Variants in ADCY9 observed in about 807,000 individuals in gnomAD.
ADCY9 encodes adenylate cyclase 9.
In ADCY9, 50 loss-of-function variants were observed where a neutral mutation model predicts 101.5. The observed-to-expected ratio is 0.49, with a 90% confidence interval of 0.39 to 0.62. The LOEUF (loss-of-function observed/expected upper bound fraction) is 0.62, where lower values mean the gene tolerates loss of function less well. Ranked by LOEUF, ADCY9 falls within the 20% of genes least tolerant of loss-of-function variation. ADCY9 has a pLI of 0.00. For missense variants in ADCY9, 1,662 were observed against 1,800.4 expected, an observed-to-expected ratio of 0.92 and a Z score of 1.39; for synonymous variants, 905 against 769.3, an observed-to-expected ratio of 1.18 and a Z score of -2.92.
intron 2 of ADCY9, among the ~76,000 whole-genome samples, chr16:4,084,534 T>A (rs1320077962): frequency 6.6e-6 from 1 of 152,010 alleles, no homozygotes; most frequent in Non-Finnish European, 1.5e-5. Flanking sequence ...GAAACCAGAC[T>A]GGACAACACA....
intron 2 of ADCY9, among the ~76,000 whole-genome samples, chr16:4,011,835 G>A (rs1212918828): frequency 1.3e-5 from 2 of 150,936 alleles, no homozygotes; most frequent in African/African-American, 4.9e-5. Flanking sequence ...ACAGGAGCAG[G>A]GCTAGTGAGC....
intron 2 of ADCY9, among the ~76,000 whole-genome samples, chr16:4,051,611 G>A (rs750894953): frequency 2.0e-5 from 3 of 152,066 alleles, no homozygotes; most frequent in East Asian, 3.9e-4. Context: ...GCTTGGAGGC[G>A]CTGCTTTTGG....
chr16:4,020,781 G>A (rs1041650115), intron 2 of ADCY9, among the ~76,000 whole-genome samples: 1 of 150,414 alleles, frequency 6.6e-6, no homozygotes, highest in South Asian at 2.1e-4. Context: ...AGCTAAGATC[G>A]CGCCACTGCA....
At chr16:3,968,871 A>C (rs1324772851) in intron 10 of ADCY9, among the ~76,000 whole-genome samples, 1 of 151,396 alleles carries the variant, frequency 6.6e-6, no homozygotes, top group African/African-American at 2.4e-5. Flanking sequence ...TTTGAGAAGG[A>C]GTCTCGCTTT....
At chr16:3,976,018 GT>G (rs1197193775) in intron 9 of ADCY9, among the ~76,000 whole-genome samples, 1 of 152,134 alleles carries the variant, frequency 6.6e-6, no homozygotes, top group African/African-American at 2.4e-5. Context: ...TGGAGACTGA[GT>G]CTTGCTCTGT....
chr16:4,108,706 CTTTT>C (rs112428707), intron 2 of ADCY9, among the ~76,000 whole-genome samples: 1 of 124,520 alleles, frequency 8.0e-6, no homozygotes, highest in Non-Finnish European at 1.6e-5. Flanking sequence ...GTCCCTCACA[CTTTT>C]TTTTTTTTTT....
chr16:4,027,271 G>A (rs2056522312), intron 2 of ADCY9, among the ~76,000 whole-genome samples: 1 of 152,184 alleles, frequency 6.6e-6, no homozygotes, highest in Non-Finnish European at 1.5e-5. Flanking sequence ...TTTTCTCGTT[G>A]CTTTCTTTGT....
Position 4,114,692 on chromosome 16 carries a change from C to T in ADCY9, c.751G>A (p.Ala251Thr), listed in dbSNP as rs768831553. Residue 251 changes from alanine to threonine, a missense_variant, in exon 2 of 11, where the codon GCC (alanine) becomes ACC (threonine). Physicochemically the swap from Ala to Thr is moderately conservative, Grantham distance 58. Coordinates refer to ENST00000294016, the MANE Select transcript of ADCY9 (RefSeq NM_001116.4). This position sits in a 1 kb window ranked among gnomAD's most constrained non-coding sequence, Gnocchi z 4.3. ...PLYLSLCLGV[A>T]YSVLFETFGY... ...AAGGTCTCGAAAAGGACAGAGTAGG[C>T]CACCCCCAGACACAAACTCAGGTAC... 5.8e-5 allele frequency: 93 copies of T among 1,613,006 alleles called. No individual in the cohort carries two copies. Among genetic ancestry groups the T allele is most frequent in the Non-Finnish European group, 7.8e-5 (92 of 1,180,044 alleles).
At position 4,102,502 on chromosome 16, in the gene ADCY9, C is replaced by T. The variant is rs1228957747; in HGVS notation, c.1693+11248G>A. On this transcript the variant is annotated intron_variant, in intron 2 of 10. Transcript: ENST00000294016. ...GAGCAGTGGCATGATCTCAGCTCAC[C>T]GCAACCTCCGCCTCCTGGATTCAAG... 3.3e-5 allele frequency among the ~76,000 whole-genome samples: 5 copies of T among 152,066 alleles called. No homozygotes were observed. The South Asian group carries it at 6.2e-4, about 19-fold the overall frequency.
At chr16:4,046,694 A>T (rs1452800305) in intron 2 of ADCY9, among the ~76,000 whole-genome samples, 2 of 152,228 alleles carry the variant, frequency 1.3e-5, no homozygotes, top group African/African-American at 4.8e-5. Context: ...TAGTTCACGC[A>T]GATCATCTTA....
At chr16:4,058,467 GAA>G (rs112044690) in intron 2 of ADCY9, among the ~76,000 whole-genome samples, 19 of 94,804 alleles carry the variant, frequency 2.0e-4, no homozygotes, top group Admixed American at 3.4e-4. Flanking sequence ...TTGTCTCCAA[GAA>G]AAAAAAAAAA....
At chr16:4,085,603 C>CA (rs2141183768) in intron 2 of ADCY9, among the ~76,000 whole-genome samples, 1 of 152,220 alleles carries the variant, frequency 6.6e-6, no homozygotes, top group East Asian at 1.9e-4. Flanking sequence ...TGTGGGATTC[C>CA]AACCCTGACT....
At position 3,985,690 on chromosome 16, in the gene ADCY9, T is replaced by C. The variant is rs540408629; in HGVS notation, c.2311-2250A>G. ...GCCAAGGGCTCGGGTACAGGGCCTT[T>C]CCTGATTGGGGCTGCCATCTCCTCT... is the stretch of plus-strand genomic sequence containing the variant. On this transcript the variant is annotated intron_variant, in intron 6 of 10. Coordinates refer to ENST00000294016, the MANE Select transcript of ADCY9 (RefSeq NM_001116.4). Among the ~76,000 whole-genome samples, 98 of 152,222 alleles carry C rather than the reference T, an allele frequency of 6.4e-4. No homozygotes were observed. In the Middle Eastern group the frequency reaches 0.02, roughly 32 times the overall value.
chr16:4,105,566 G>A (rs2057071198), intron 2 of ADCY9, among the ~76,000 whole-genome samples: 1 of 151,058 alleles, frequency 6.6e-6, no homozygotes. Context: ...TGTAATCCCA[G>A]CCACACGGGA....
chr16:4,082,332 T>C lies in ADCY9; in HGVS notation c.1693+31418A>G, dbSNP rs2056908524. Among the ~76,000 whole-genome samples the C allele has an allele frequency of 2.6e-5, 4 of 152,134 alleles. No individual in the cohort carries two copies. The South Asian group carries it at 8.3e-4, about 32-fold the overall frequency. On this transcript the variant is annotated intron_variant, in intron 2 of 10. Transcript: ENST00000294016. ...AGATCAAGGCTACAGTGAGCCACTA[T>C]TGCCACTGCACACCAGCCAGGGCAA...
chr16:4,027,870 TC>T (rs2056528254), intron 2 of ADCY9, among the ~76,000 whole-genome samples: 1 of 142,576 alleles, frequency 7.0e-6, no homozygotes, highest in South Asian at 2.2e-4. Flanking sequence ...AGAGCAAAAT[TC>T]CGTTTCAAAA....
Position 3,965,410 on chromosome 16 carries a change from T to G in ADCY9, c.*365A>C. On this transcript the variant is annotated 3_prime_UTR_variant, in exon 11 of 11. Transcript: ENST00000294016. ...TCTCGTGGGACGTGGGAAAAAGCAA[T>G]AAAAATGAGATCTTAACCACAGCTT... 3.8e-6 allele frequency: 1 copy of G among 265,354 alleles called. No individual in the cohort carries two copies. Among genetic ancestry groups the G allele is most frequent in the East Asian group, 8.3e-5 (1 of 12,078 alleles). The allele number at this position is 265,354 out of a possible 1,614,324, so 16.4% of individuals were successfully genotyped here.
chr16:4,031,307 GT>G (rs34329295), intron 2 of ADCY9, among the ~76,000 whole-genome samples: 3,772 of 152,302 alleles, frequency 0.025, 166 homozygotes, highest in African/African-American at 0.086. Context: ...AATTTAGTCA[GT>G]TAACGGTTCA....
At chr16:3,999,321 GC>G (rs2056314053) in intron 3 of ADCY9, among the ~76,000 whole-genome samples, 2 of 152,158 alleles carry the variant, frequency 1.3e-5, no homozygotes. Flanking sequence ...AACAAGTCGG[GC>G]CCCCATCCAC....
Sources: allele counts gnomAD v4.1 joint callset (sites outside exome capture counted in the v4.1 genomes callset), GRCh38; gene constraint gnomAD v4.1.1; non-coding constraint Gnocchi (gnomAD v3.1); transcripts MANE v1.5; gene names NCBI Gene and HGNC (gene_info 2026-07-23, HGNC 2026-07-21).